Variants in TNIK observed in about 807,000 individuals in gnomAD.
TNIK encodes TRAF2 and NCK interacting kinase, also known as TRAF2 and NCK-interacting protein kinase.
TNIK carries 49 observed loss-of-function variants against 191.3 expected under a neutral mutation model. The ratio of observed to expected loss-of-function variants is 0.26; its 90% CI spans 0.20 to 0.32. The LOEUF (loss-of-function observed/expected upper bound fraction) is 0.32. TNIK is among the 10% of genes least tolerant of loss of function. The pLI, the probability that TNIK is intolerant of heterozygous loss-of-function variation, is 1.00. For synonymous variants in TNIK, 594 were observed against 600.9 expected (o/e 0.99, Z 0.17); for missense variants, 1,155 against 1,702.3 (o/e 0.68, Z 5.66).
At chr3:171,194,202 C>G (rs60078996) in intron 5 of TNIK, among the ~76,000 whole-genome samples, 33,462 of 152,056 alleles carry the variant, frequency 0.22, 4,016 homozygotes, top group East Asian at 0.33. Context: ...AAGTGGAACA[C>G]TGTCTTTATG....
At position 171,059,182 on chromosome 3, in the gene TNIK, C is replaced by T. The variant is rs1717615552; in HGVS notation, c.*4699G>A. 6.6e-6 allele frequency among the ~76,000 whole-genome samples: 1 copy of T among 152,146 alleles called. No homozygotes were observed. The highest frequency in any genetic ancestry group is 1.5e-5 in the Non-Finnish European group (1 of 68,018). ...GAGTTTGAAGATATGTACACAAACT[C>T]AAAAATCTGTAAACTTTAGGACATT... On this transcript the variant is annotated 3_prime_UTR_variant, in exon 33 of 33. Transcript: ENST00000436636.
At chr3:171,415,292 A>G (rs1472502375) in intron 1 of TNIK, among the ~76,000 whole-genome samples, 1 of 152,144 alleles carries the variant, frequency 6.6e-6, no homozygotes, top group Non-Finnish European at 1.5e-5. Context: ...AACCACTACT[A>G]GACATTTTAC....
intron 19 of TNIK, among the ~76,000 whole-genome samples, chr3:171,110,486 C>T (rs992856047): frequency 1.3e-5 from 2 of 152,128 alleles, no homozygotes; most frequent in African/African-American, 4.8e-5. Context: ...CTGGAAAACA[C>T]TGGTATCTGA....
chr3:171,376,442 C>T (rs1031385706), intron 1 of TNIK, among the ~76,000 whole-genome samples: 1 of 152,308 alleles, frequency 6.6e-6, no homozygotes, highest in East Asian at 1.9e-4. Context: ...CACCCTCCCT[C>T]GCCACCTACT....
chr3:171,422,068 T>A (rs1224632790), intron 1 of TNIK, among the ~76,000 whole-genome samples: 1 of 152,114 alleles, frequency 6.6e-6, no homozygotes, highest in Non-Finnish European at 1.5e-5. Flanking sequence ...GTGCTTTGTC[T>A]GTAAATAAAG....
At chr3:171,428,055 A>G (rs939983313) in intron 1 of TNIK, among the ~76,000 whole-genome samples, 1 of 152,092 alleles carries the variant, frequency 6.6e-6, no homozygotes, top group Non-Finnish European at 1.5e-5. Context: ...CAAGGAATTC[A>G]ATACTTACTC....
intron 2 of TNIK, among the ~76,000 whole-genome samples, chr3:171,251,620 G>T (rs1418683664): frequency 1.3e-5 from 2 of 152,128 alleles, no homozygotes; most frequent in African/African-American, 4.8e-5. Flanking sequence ...TAATTATCAA[G>T]AACCTGTATT....
chr3:171,126,293 G>T, intron 16 of TNIK, 142 bp from the exon 17 acceptor site: 2 of 1,061,352 alleles, frequency 1.9e-6, no homozygotes, highest in South Asian at 2.9e-5. Context: ...ACTATATATA[G>T]CATGTTTTTT....
chr3:171,230,540 C>CCCA (rs1743492664), intron 2 of TNIK, among the ~76,000 whole-genome samples: 1 of 152,116 alleles, frequency 6.6e-6, no homozygotes, highest in Non-Finnish European at 1.5e-5. Context: ...TTGGTAGGCT[C>CCCA]CCACTTGCTC....
rs549295775 is a variant in TNIK, at chr3:171,115,619, C to T, written c.2121-4742G>A. On this transcript the variant is annotated intron_variant, in intron 18 of 32. Coordinates refer to ENST00000436636, the MANE Select transcript of TNIK (RefSeq NM_015028.4). ...CAGACATAGGGCTGGGTTGTTTTTC[C>T]TGATGCATGTGGGTGCAGAGATGAC... is the stretch of plus-strand genomic sequence containing the variant. Among the ~76,000 whole-genome samples the T allele has an allele frequency of 2.0e-5, 3 of 152,266 alleles. No individual in the cohort carries two copies. In the South Asian group the frequency reaches 6.2e-4, roughly 32 times the overall value.
chr3:171,316,786 C>G (rs1466410877), intron 2 of TNIK, among the ~76,000 whole-genome samples: 1 of 151,832 alleles, frequency 6.6e-6, no homozygotes, highest in African/African-American at 2.4e-5. Flanking sequence ...AATGATAGTT[C>G]TTATATTACT....
At position 171,191,989 on chromosome 3, in the gene TNIK, CACA is replaced by C. The variant is rs529493835; in HGVS notation, c.418-1205_418-1203del. Among the ~76,000 whole-genome samples the C allele has an allele frequency of 2.8e-3, 429 of 152,114 alleles. 1 individual carries two copies. Among genetic ancestry groups the C allele is most frequent in the African/African-American group, 9.9e-3 (410 of 41,490 alleles). Reference sequence around the variant, plus strand: ...AATTTTTTGTGCTTTTCATCTTCTCCACAACAACAAAATCATGGTATGAAAAAT... The same window carrying C: ...AATTTTTTGTGCTTTTCATCTTCTCCACAACAAAATCATGGTATGAAAAAT... On this transcript the variant is annotated intron_variant, in intron 5 of 32. Transcript: ENST00000436636.
intron 1 of TNIK, among the ~76,000 whole-genome samples, chr3:171,390,662 T>G (rs1009961627): frequency 3.3e-5 from 5 of 152,232 alleles, no homozygotes; most frequent in Admixed American, 6.5e-5. Context: ...GTGATGTTGG[T>G]GATCTCACCT....
At chr3:171,408,714 G>A (rs909540580) in intron 1 of TNIK, among the ~76,000 whole-genome samples, 25 of 152,114 alleles carry the variant, frequency 1.6e-4, no homozygotes, top group African/African-American at 6.0e-4. Flanking sequence ...ATACCTACCA[G>A]ACATACAACA....
chr3:171,093,726 C>G, intron 23 of TNIK, 113 bp downstream of exon 23: 6 of 1,390,932 alleles, frequency 4.3e-6, no homozygotes, highest in Non-Finnish European at 5.8e-6. Flanking sequence ...CCTCCCTCCC[C>G]CAAGAATTCC....
intron 1 of TNIK, among the ~76,000 whole-genome samples, chr3:171,457,317 G>T (rs1389197269): frequency 2.0e-5 from 3 of 152,210 alleles, no homozygotes; most frequent in Admixed American, 2.0e-4. Flanking sequence ...CCCCCAAAGT[G>T]AGAAGGATAA....
chr3:171,130,839 A>G (rs1213896881), intron 15 of TNIK, among the ~76,000 whole-genome samples: 1 of 152,212 alleles, frequency 6.6e-6, no homozygotes, highest in Non-Finnish European at 1.5e-5. Context: ...AGAGTGAGGA[A>G]TACTTGTAAT....
At chr3:171,219,169 T>C (rs902348633) in intron 3 of TNIK, among the ~76,000 whole-genome samples, 6 of 128,430 alleles carry the variant, frequency 4.7e-5, no homozygotes, top group African/African-American at 1.4e-4. Flanking sequence ...TACATATTCA[T>C]ATAATCATTC....
At chr3:171,442,107 T>TCC (rs769741662) in intron 1 of TNIK, among the ~76,000 whole-genome samples, 6 of 152,190 alleles carry the variant, frequency 3.9e-5, no homozygotes, top group Non-Finnish European at 7.3e-5. Flanking sequence ...ATAAAAATGT[T>TCC]CCTTGCAAAC....
Sources: gnomAD v4.1 joint callset for allele counts (sites outside exome capture counted in the v4.1 genomes callset) on GRCh38, gnomAD v4.1.1 for gene constraint, MANE v1.5 for transcripts, NCBI Gene and HGNC (gene_info 2026-07-23, HGNC 2026-07-21) for gene names.